The following JPH3 variants were observed in gnomAD, a reference collection of about 807,000 sequenced individuals.
JPH3 encodes the protein junctophilin-3.
In JPH3, 11 loss-of-function variants were observed where a neutral mutation model predicts 59.6. The ratio of observed to expected loss-of-function variants is 0.18; its 90% CI spans 0.12 to 0.31. The LOEUF (loss-of-function observed/expected upper bound fraction) is 0.31. Among genes scored for constraint, JPH3 ranks in the 10% least tolerant of loss-of-function variants. The pLI, the probability that JPH3 is intolerant of heterozygous loss-of-function variation, is 1.00. For synonymous variants in JPH3, 673 were observed against 483.6 expected (o/e 1.39, Z -5.14); for missense variants, 1,202 against 1,105.7 (o/e 1.09, Z -1.24).
chr16:87,693,145 T>A (rs1443135984), intron 4 of JPH3, among the ~76,000 whole-genome samples: 1 of 152,228 alleles, frequency 6.6e-6, no homozygotes, highest in Admixed American at 6.5e-5. Flanking sequence ...GCTTTCTCTC[T>A]GGCTGAGTGG....
At chr16:87,619,859 G>A (rs1378526222) in intron 1 of JPH3, among the ~76,000 whole-genome samples, 2 of 152,162 alleles carry the variant, frequency 1.3e-5, no homozygotes, top group East Asian at 3.9e-4. Flanking sequence ...GCAAGGAAGG[G>A]GCTGGAGATG....
rs1180949007 is a variant in JPH3 at position 87,611,750 on chromosome 16, A to G, written c.382+8222A>G. On this transcript the variant is annotated intron_variant, in intron 1 of 4. Transcript: ENST00000284262. This position sits in a 1 kb window ranked among gnomAD's most constrained non-coding sequence, Gnocchi z 4.5. ...CCACCCCTGAGTCTCTGGGCCTGGG[A>G]TGCCACCCAAGAATTTATATTTCTT... is the stretch of plus-strand genomic sequence containing the variant. 2.6e-5 allele frequency among the ~76,000 whole-genome samples: 4 copies of G among 152,118 alleles called. No homozygotes were observed. Among genetic ancestry groups the G allele is most frequent in the Non-Finnish European group, 5.9e-5 (4 of 68,024 alleles).
chr16:87,651,502 A>T lies in JPH3; in HGVS notation c.1160+6467A>T, dbSNP rs114065273. ...TCCCATTAAGAACATTCGTGATTCA[A>T]GGTTGGAGGTCAAAACATCCACATT... On this transcript the variant is annotated intron_variant, in intron 2 of 4. Transcript: ENST00000284262. Among the ~76,000 whole-genome samples, 76 of 152,384 alleles carry T rather than the reference A, an allele frequency of 5.0e-4. 1 individual carries two copies. The highest frequency in any genetic ancestry group is 1.8e-3 in the African/African-American group (73 of 41,596).
At chr16:87,685,211 T>C (rs915548439) in intron 3 of JPH3, among the ~76,000 whole-genome samples, 5 of 152,090 alleles carry the variant, frequency 3.3e-5, no homozygotes, top group African/African-American at 1.2e-4. Context: ...CCGCCACCAC[T>C]CCAAGACCTT....
At chr16:87,643,387 C>T (rs540135984) in intron 1 of JPH3, among the ~76,000 whole-genome samples, 1 of 149,548 alleles carries the variant, frequency 6.7e-6, no homozygotes, top group Non-Finnish European at 1.5e-5. Context: ...CCCACCCTCC[C>T]TTCTTCTGGG....
At chr16:87,658,664 A>G (rs1481960182) in intron 2 of JPH3, among the ~76,000 whole-genome samples, 1 of 152,118 alleles carries the variant, frequency 6.6e-6, no homozygotes, top group Non-Finnish European at 1.5e-5. Flanking sequence ...CCGTGTGGGC[A>G]TTTGTAAAGC....
intron 4 of JPH3, 118 bp downstream of exon 4, chr16:87,690,644 G>C: frequency 1.8e-6 from 2 of 1,122,934 alleles, no homozygotes; most frequent in Non-Finnish European, 2.3e-6. Flanking sequence ...TCCAGGGGTG[G>C]AGTAGGGTGG....
chr16:87,604,057 C>T lies in JPH3; in HGVS notation c.382+529C>T, dbSNP rs1354922155. ...GCGCTAGGGGCGGGGGATGCCAACC[C>T]GAACCAAAACAGCCAGGCAGTACAC... On this transcript the variant is annotated intron_variant, in intron 1 of 4. Transcript: ENST00000284262. 3 of 984,594 alleles carry T rather than the reference C, an allele frequency of 3.0e-6. No individual in the cohort carries two copies. In the African/African-American group the frequency reaches 5.2e-5, roughly 17 times the overall value. 61.0% of individuals were successfully genotyped at this position (984,594 alleles called of 1,614,324 possible).
At chr16:87,668,571 C>G (rs1217507112) in intron 2 of JPH3, among the ~76,000 whole-genome samples, 2 of 152,204 alleles carry the variant, frequency 1.3e-5, no homozygotes, top group Non-Finnish European at 2.9e-5. Flanking sequence ...GAGAAAATCA[C>G]CTGTCCTTGC....
At chr16:87,602,418 G>A (rs1597227379), upstream of JPH3, among the ~76,000 whole-genome samples, 1 of 95,360 alleles carries the variant, frequency 1.0e-5, no homozygotes, top group Admixed American at 9.6e-5. Flanking sequence ...CGCTCCGGGG[G>A]CGGGGGCGGG....
At chr16:87,616,938 T>C (rs1246038828) in intron 1 of JPH3, among the ~76,000 whole-genome samples, 1 of 152,214 alleles carries the variant, frequency 6.6e-6, no homozygotes, top group Non-Finnish European at 1.5e-5. Context: ...CAATAGTTCG[T>C]TCCAGGCTGG....
At chr16:87,604,253 C>G (rs967452223) in intron 1 of JPH3, 1 of 1,452,772 alleles carries the variant, frequency 6.9e-7, no homozygotes. Context: ...CCACCGCATT[C>G]GGGGCAGAGC....
chr16:87,669,885 C>A (rs1300769276), intron 2 of JPH3, among the ~76,000 whole-genome samples: 1 of 151,978 alleles, frequency 6.6e-6, no homozygotes, highest in Non-Finnish European at 1.5e-5. Flanking sequence ...GTTGCAGCAG[C>A]CGGCCGGCCT....
rs2033965634 is a variant in JPH3 at position 87,697,929 on chromosome 16, G to GT, written c.*1269_*1270insT. ...GGCTCTCGTGTGCATGGACGTGCCT[G>GT]AGGGGTCCGGGCACGGCCATACGCA... On this transcript the variant is annotated 3_prime_UTR_variant, in exon 5 of 5. Transcript: ENST00000284262. 1 of 152,548 alleles carries GT rather than the reference G, an allele frequency of 6.6e-6. No homozygotes were observed. Among genetic ancestry groups the GT allele is most frequent in the South Asian group, 2.1e-4 (1 of 4,836 alleles). The allele number at this position is 152,548 out of a possible 1,614,324, so 9.4% of individuals were successfully genotyped here.
At chr16:87,641,748 T>A (rs2150843199) in intron 1 of JPH3, among the ~76,000 whole-genome samples, 1 of 152,386 alleles carries the variant, frequency 6.6e-6, no homozygotes, top group African/African-American at 2.4e-5. Flanking sequence ...TGTCCGGGGC[T>A]GCAGCCTGAT....
intron 1 of JPH3, among the ~76,000 whole-genome samples, chr16:87,619,912 A>G (rs1345538723): frequency 6.6e-6 from 1 of 152,112 alleles, no homozygotes. Flanking sequence ...GGGAGGAACC[A>G]TGGGGCCTCC....
intron 2 of JPH3, among the ~76,000 whole-genome samples, chr16:87,674,292 C>T (rs955461394): frequency 6.6e-6 from 1 of 152,162 alleles, no homozygotes. Context: ...CGAGATCGCG[C>T]CACTGACTCC....
chr16:87,665,105 C>A (rs567899242), intron 2 of JPH3, among the ~76,000 whole-genome samples: 1 of 152,244 alleles, frequency 6.6e-6, no homozygotes, highest in Admixed American at 6.5e-5. Context: ...CCTTTGACTC[C>A]AGGGAGGGAG....
chr16:87,656,955 C>T (rs1344060067), intron 2 of JPH3, among the ~76,000 whole-genome samples: 1 of 152,100 alleles, frequency 6.6e-6, no homozygotes, highest in Admixed American at 6.5e-5. Context: ...TCTCCCTCTC[C>T]TCCTCTTCTT....
Sources: allele counts gnomAD v4.1 joint callset (sites outside exome capture counted in the v4.1 genomes callset), GRCh38; gene constraint gnomAD v4.1.1; non-coding constraint Gnocchi (gnomAD v3.1); transcripts MANE v1.5; gene names NCBI Gene and HGNC (gene_info 2026-07-23, HGNC 2026-07-21).